Variants in STAM observed in about 807,000 individuals in gnomAD.
The protein encoded by STAM is signal transducing adaptor molecule, also known as signal transducing adapter molecule 1.
A neutral mutation model predicts 63.4 loss-of-function variants in STAM; 16 were observed. That is an observed-to-expected ratio of 0.25 (90% CI 0.17 to 0.38). STAM has a LOEUF of 0.38. STAM is among the 10% of genes least tolerant of loss of function. STAM has a pLI of 1.00. For missense variants in STAM, 636 were observed against 657.1 expected (o/e 0.97, Z 0.35); for synonymous variants, 238 against 223.9 (o/e 1.06, Z -0.56).
Position 17,660,279 on chromosome 10 carries a change from A to G in STAM, c.41-185A>G, listed in dbSNP as rs573383406. ...GGCAACTGCATTGTGAATAGGGAAA[A>G]TAATTGCAAGAGATAATGAGCGTAC... On this transcript the variant is annotated intron_variant, in intron 1 of 13. Coordinates refer to ENST00000377524, the MANE Select transcript of STAM (RefSeq NM_003473.4). Among the ~76,000 whole-genome samples, 80 of 152,330 alleles carry G rather than the reference A, an allele frequency of 5.3e-4. No individual in the cohort carries two copies. In the South Asian group the frequency reaches 0.016, roughly 31 times the overall value.
chr10:17,666,471 T>C (rs1834386460), intron 2 of STAM, among the ~76,000 whole-genome samples: 2 of 143,708 alleles, frequency 1.4e-5, no homozygotes, highest in South Asian at 4.6e-4. Context: ...CTTGGCTCAC[T>C]GCAAGCTCCG....
At chr10:17,703,565 C>G (rs1215783680) in intron 9 of STAM, among the ~76,000 whole-genome samples, 2 of 151,918 alleles carry the variant, frequency 1.3e-5, no homozygotes, top group African/African-American at 4.8e-5. Context: ...TAAAGTAGAT[C>G]TGTTTGGATT....
chr10:17,705,079 T>A (rs1366948662), intron 11 of STAM, 55 bp downstream of exon 11: 1 of 1,501,596 alleles, frequency 6.7e-7, no homozygotes, highest in Non-Finnish European at 9.2e-7. Context: ...AAGCTATCAC[T>A]GTACTGCAAA....
chr10:17,682,011 GT>G (rs1835105970), intron 2 of STAM, among the ~76,000 whole-genome samples: 1 of 152,116 alleles, frequency 6.6e-6, no homozygotes, highest in Non-Finnish European at 1.5e-5. Context: ...AAATAGATCT[GT>G]TTTTACTGAC....
intron 2 of STAM, among the ~76,000 whole-genome samples, chr10:17,668,359 C>T (rs1392313056): frequency 6.6e-6 from 1 of 152,180 alleles, no homozygotes; most frequent in Non-Finnish European, 1.5e-5. Context: ...GAGGTCAACT[C>T]CGACACAATT....
chr10:17,668,770 T>C (rs10795501), intron 2 of STAM, among the ~76,000 whole-genome samples: 88 of 152,372 alleles, frequency 5.8e-4, no homozygotes, highest in Non-Finnish European at 9.7e-4. Flanking sequence ...TTAAGGTTCC[T>C]ACGTGCCTTT....
intron 2 of STAM, among the ~76,000 whole-genome samples, chr10:17,666,611 A>G (rs782121383): frequency 4.0e-5 from 6 of 151,602 alleles, no homozygotes; most frequent in Non-Finnish European, 8.8e-5. Flanking sequence ...GTTAGCCAGG[A>G]TGGTCTCGAT....
At chr10:17,657,351 G>A (rs180745015) in intron 1 of STAM, among the ~76,000 whole-genome samples, 7 of 152,066 alleles carry the variant, frequency 4.6e-5, no homozygotes, top group Non-Finnish European at 7.4e-5. Flanking sequence ...TGCCCTGCTC[G>A]TACCTGTCTT....
intron 2 of STAM, among the ~76,000 whole-genome samples, chr10:17,663,683 T>G (rs1834265263): frequency 6.6e-6 from 1 of 152,172 alleles, no homozygotes; most frequent in Non-Finnish European, 1.5e-5. Flanking sequence ...ATGGGATATC[T>G]TGTTATACCT....
chr10:17,704,793 G>A (rs988012999), intron 10 of STAM, among the ~76,000 whole-genome samples, 177 bp from the exon 11 acceptor site: 2 of 152,118 alleles, frequency 1.3e-5, no homozygotes, highest in Non-Finnish European at 2.9e-5. Context: ...AGATTAAGTT[G>A]TCACCATTAT....
intron 2 of STAM, among the ~76,000 whole-genome samples, chr10:17,661,666 C>G (rs1554822893): frequency 6.6e-6 from 1 of 152,184 alleles, no homozygotes; most frequent in African/African-American, 2.4e-5. Context: ...CAAGATGATT[C>G]TTTCATTGCA....
intron 2 of STAM, among the ~76,000 whole-genome samples, chr10:17,669,884 C>CTTTTTTTT (rs76381388): frequency 7.2e-4 from 87 of 120,742 alleles, no homozygotes; most frequent in East Asian, 1.9e-3. Context: ...CTTTTCTTTT[C>CTTTTTTTT]TTTTTTTTTT....
chr10:17,714,962 C>T lies in STAM; in HGVS notation c.*182C>T. The T allele has an allele frequency of 3.3e-6, 2 of 604,070 alleles. No homozygotes were observed. The highest frequency in any genetic ancestry group is 5.8e-6 in the Non-Finnish European group (2 of 344,608). The allele number at this position is 604,070 out of a possible 1,614,324, so 37.4% of individuals were successfully genotyped here. A position where few individuals can be genotyped will look rare whatever the true frequency, so the allele number is the denominator to read the frequency against. Reference sequence around the variant, plus strand: ...ACACTGACTTTTTAGAGGTTCTTCCCCCCCCGCCCCTGCAGAGGAATGAAA... The same window carrying T: ...ACACTGACTTTTTAGAGGTTCTTCCTCCCCCGCCCCTGCAGAGGAATGAAA... On this transcript the variant is annotated 3_prime_UTR_variant, in exon 14 of 14. Transcript: ENST00000377524.
At chr10:17,677,206 T>C (rs1414747202) in intron 2 of STAM, among the ~76,000 whole-genome samples, 1 of 152,180 alleles carries the variant, frequency 6.6e-6, no homozygotes, top group African/African-American at 2.4e-5. Flanking sequence ...TAAAACAACA[T>C]AGGAATGTCT....
At chr10:17,664,353 C>T (rs181560596) in intron 2 of STAM, among the ~76,000 whole-genome samples, 5 of 152,168 alleles carry the variant, frequency 3.3e-5, no homozygotes, top group East Asian at 1.9e-4. Flanking sequence ...CTCACATGCC[C>T]GCTGTCTGTC....
intron 2 of STAM, among the ~76,000 whole-genome samples, chr10:17,669,884 C>CTTTCTTTTT (rs1834560270): frequency 8.3e-6 from 1 of 120,764 alleles, no homozygotes; most frequent in African/African-American, 3.2e-5. Context: ...CTTTTCTTTT[C>CTTTCTTTTT]TTTTTTTTTT....
At chr10:17,680,305 T>C (rs1232328814) in intron 2 of STAM, among the ~76,000 whole-genome samples, 1 of 152,168 alleles carries the variant, frequency 6.6e-6, no homozygotes, top group Non-Finnish European at 1.5e-5. Context: ...CAGAACTCTT[T>C]AAAACTGAAA....
intron 11 of STAM, 115 bp downstream of exon 11, chr10:17,705,139 C>G: frequency 1.3e-6 from 1 of 796,180 alleles, no homozygotes. Context: ...GGAACCAACT[C>G]TCATTCACAT....
At chr10:17,666,679 G>A (rs1311817529) in intron 2 of STAM, among the ~76,000 whole-genome samples, 3 of 152,276 alleles carry the variant, frequency 2.0e-5, no homozygotes, top group South Asian at 2.1e-4. Context: ...TTACAGGCAT[G>A]AGCCACCCTG....
Sources: gnomAD v4.1 joint callset for allele counts (sites outside exome capture counted in the v4.1 genomes callset) on GRCh38, gnomAD v4.1.1 for gene constraint, MANE v1.5 for transcripts, NCBI Gene and HGNC (gene_info 2026-07-23, HGNC 2026-07-21) for gene names.